The following MAOA variants were observed in gnomAD, a reference collection of about 807,000 sequenced individuals.
MAOA encodes monoamine oxidase A, also known as amine oxidase [flavin-containing] A.
In MAOA, 6 loss-of-function variants were observed where a neutral mutation model predicts 42.0. The ratio of observed to expected loss-of-function variants is 0.14; its 90% CI spans 0.08 to 0.28. MAOA has a LOEUF of 0.28. Ranked by LOEUF, MAOA falls within the 10% of genes least tolerant of loss-of-function variation. MAOA has a pLI of 1.00. For synonymous variants in MAOA, 140 were observed against 154.0 expected (o/e 0.91, Z 0.67); for missense variants, 262 against 422.3 (o/e 0.62, Z 3.33).
At chrX:43,735,914 A>G (rs191397696) in intron 9 of MAOA, among the ~76,000 whole-genome samples, 9 of 113,217 alleles carry the variant, frequency 7.9e-5, no homozygotes, top group Non-Finnish European at 1.5e-4. Flanking sequence ...AGTCATTACC[A>G]GAATAATCAT....
chrX:43,664,175 A>T (rs1288819841), intron 1 of MAOA, among the ~76,000 whole-genome samples: 1 of 112,177 alleles, frequency 8.9e-6, no homozygotes, highest in Non-Finnish European at 1.9e-5. Context: ...GAGTCAAAAC[A>T]TTCAGGCTGG....
intron 3 of MAOA, among the ~76,000 whole-genome samples, chrX:43,706,898 C>T (rs1310499852): frequency 9.0e-6 from 1 of 111,591 alleles, no homozygotes; most frequent in Non-Finnish European, 1.9e-5. Flanking sequence ...AGAGATAGGA[C>T]TACACAATTC....
At chrX:43,696,510 A>G (rs995848265) in intron 3 of MAOA, among the ~76,000 whole-genome samples, 5 of 111,707 alleles carry the variant, frequency 4.5e-5, no homozygotes, top group Non-Finnish European at 9.4e-5. Context: ...CGGGCAGATC[A>G]TGAGGTCAGG....
intron 1 of MAOA, among the ~76,000 whole-genome samples, chrX:43,665,667 A>G (rs1240120071): frequency 8.9e-6 from 1 of 111,921 alleles, no homozygotes; most frequent in African/African-American, 3.2e-5. Context: ...ATTGAAGTTA[A>G]TTGTTAGCTT....
chrX:43,724,258 C>T lies in MAOA; in HGVS notation c.504-3915C>T, dbSNP rs772039808. On this transcript the variant is annotated intron_variant, in intron 5 of 14. Transcript: ENST00000338702. Reference sequence around the variant, plus strand: ...TGGAATAGTTTCAGAAGGAATGGTACCAGCTCCTCCTTGTACCTCTGGTAG... The same window carrying T: ...TGGAATAGTTTCAGAAGGAATGGTATCAGCTCCTCCTTGTACCTCTGGTAG... 1.6e-3 allele frequency among the ~76,000 whole-genome samples: 176 copies of T among 111,537 alleles called. 1 individual carries two copies. The highest frequency in any genetic ancestry group is 5.7e-3 in the African/African-American group (174 of 30,701).
rs764727562 is a variant in MAOA, at chrX:43,669,254, C to CA, written c.73+12855dup. Among the ~76,000 whole-genome samples, 577 of 80,442 alleles carry CA rather than the reference C, an allele frequency of 7.2e-3. 3 individuals are homozygous for CA. The highest frequency in any genetic ancestry group is 0.012 in the East Asian group (30 of 2,530). 69.9% of individuals were successfully genotyped at this position (80,442 alleles called of 115,157 possible). A position where few individuals can be genotyped will look rare whatever the true frequency, so the allele number is the denominator to read the frequency against. ...TAAAACCCCGTCTCTACTAAAAATACAAAAAAAAAAAAAAATACCCTGGCG... is the reference window on the plus strand; with the variant it reads ...TAAAACCCCGTCTCTACTAAAAATACAAAAAAAAAAAAAAAATACCCTGGCG... On this transcript the variant is annotated intron_variant, in intron 1 of 14. Coordinates refer to ENST00000338702, the MANE Select transcript of MAOA (RefSeq NM_000240.4).
At chrX:43,740,600 G>A in intron 10 of MAOA, 81 bp from the exon 11 acceptor site, 2 of 861,729 alleles carry the variant, frequency 2.3e-6, no homozygotes, top group Non-Finnish European at 3.2e-6. Context: ...AAGAGCTCTA[G>A]AACTCACTGT....
At chrX:43,730,595 G>T (rs2033873395) in intron 6 of MAOA, among the ~76,000 whole-genome samples, 1 of 105,426 alleles carries the variant, frequency 9.5e-6, no homozygotes, top group African/African-American at 3.5e-5. Context: ...GGGTTCAAGT[G>T]GTTCTCCTGC....
At chrX:43,718,185 G>T (rs2033759554) in intron 5 of MAOA, among the ~76,000 whole-genome samples, 1 of 107,425 alleles carries the variant, frequency 9.3e-6, no homozygotes. Flanking sequence ...GGTGGCAGAA[G>T]GTATGGGTGG....
rs1284339811 is a variant in MAOA, at chrX:43,746,709, C to T, written c.*2196C>T. ...CTAATGTTCCATGTCTGAAGTTTGC[C>T]CCAGTGCTACACGTTGGAGTATACC... On this transcript the variant is annotated 3_prime_UTR_variant, in exon 15 of 15. Transcript: ENST00000338702. 1 of 111,940 alleles carries T rather than the reference C, an allele frequency of 8.9e-6. No homozygotes were observed. Among genetic ancestry groups the T allele is most frequent in the Non-Finnish European group, 1.9e-5 (1 of 53,269 alleles). The allele number at this position is 111,940 out of a possible 1,213,427, so 9.2% of individuals were successfully genotyped here.
At chrX:43,667,478 T>A (rs1018955158) in intron 1 of MAOA, among the ~76,000 whole-genome samples, 2 of 111,429 alleles carry the variant, frequency 1.8e-5, no homozygotes, top group African/African-American at 3.3e-5. Flanking sequence ...ATGATACTTG[T>A]GAAGGGGTAA....
rs58780966 is a variant in MAOA at position 43,675,166 on chromosome X, C to T, written c.74-8347C>T. On this transcript the variant is annotated intron_variant, in intron 1 of 14. Coordinates refer to ENST00000338702, the MANE Select transcript of MAOA (RefSeq NM_000240.4). ...TTTTTATGCTTTTTTCTCTAAACTT[C>T]CCTTCTCGCTTCATTTCATTCATTT... Among the ~76,000 whole-genome samples the T allele has an allele frequency of 5.0e-3, 552 of 111,392 alleles. 3 individuals are homozygous for T. The highest frequency in any genetic ancestry group is 0.017 in the African/African-American group (511 of 30,589).
intron 3 of MAOA, among the ~76,000 whole-genome samples, chrX:43,705,604 T>C (rs1052322296): frequency 8.9e-6 from 1 of 112,072 alleles, no homozygotes; most frequent in African/African-American, 3.2e-5. Context: ...AATAGATAAA[T>C]TGGTCTTCAT....
chrX:43,686,976 C>T (rs1164801572), intron 2 of MAOA, among the ~76,000 whole-genome samples: 2 of 111,068 alleles, frequency 1.8e-5, no homozygotes, highest in Non-Finnish European at 3.8e-5. Flanking sequence ...TTTGGTATTA[C>T]CTGGCAAGCT....
chrX:43,656,081 C>T (rs2147066475), upstream of MAOA: 4 of 407,668 alleles, frequency 9.8e-6, no homozygotes, highest in East Asian at 1.2e-4. Context: ...TAACTCTCGC[C>T]GAGTGTCAGT....
intron 5 of MAOA, among the ~76,000 whole-genome samples, chrX:43,717,206 G>C (rs994320697): frequency 9.0e-6 from 1 of 110,851 alleles, no homozygotes; most frequent in African/African-American, 3.3e-5. Flanking sequence ...TAAGTCTCTG[G>C]GGGGAAACAG....
At chrX:43,734,132 C>CTT (rs745875170) in intron 9 of MAOA, among the ~76,000 whole-genome samples, 8 of 62,411 alleles carry the variant, frequency 1.3e-4, no homozygotes, top group Admixed American at 1.8e-4. Context: ...TTTGGGCTTT[C>CTT]TTTTTTTTTT....
chrX:43,675,519 G>A, intron 1 of MAOA, among the ~76,000 whole-genome samples: 1 of 112,356 alleles, frequency 8.9e-6, no homozygotes, highest in Middle Eastern at 4.6e-3. Context: ...GAGGCACTCT[G>A]CTTTTTAGAG....
intron 13 of MAOA, 38 bp from the exon 14 acceptor site, chrX:43,744,071 C>T (rs1256884406): frequency 8.3e-7 from 1 of 1,198,408 alleles, no homozygotes; most frequent in African/African-American, 1.8e-5. Flanking sequence ...AGAAACTATA[C>T]AGCCTCTTTT....
Sources: allele counts gnomAD v4.1 joint callset (sites outside exome capture counted in the v4.1 genomes callset), GRCh38; gene constraint gnomAD v4.1.1; transcripts MANE v1.5; gene names NCBI Gene and HGNC (gene_info 2026-07-23, HGNC 2026-07-21).